The following PIWIL4 variants were observed in gnomAD, a reference collection of about 807,000 sequenced individuals.
PIWIL4 encodes the protein piwi-like protein 4.
A neutral mutation model predicts 100.9 loss-of-function variants in PIWIL4; 50 were observed. That is an observed-to-expected ratio of 0.50 (90% CI 0.39 to 0.63). The LOEUF (loss-of-function observed/expected upper bound fraction) is 0.63. Among genes scored for constraint, PIWIL4 ranks in the 20% least tolerant of loss-of-function variants. The pLI, the probability that PIWIL4 is intolerant of heterozygous loss-of-function variation, is 0.00. For missense variants in PIWIL4, 887 were observed against 1,043.3 expected, an observed-to-expected ratio of 0.85 and a Z score of 2.06; for synonymous variants, 342 against 367.5, an observed-to-expected ratio of 0.93 and a Z score of 0.79.
At position 94,595,438 on chromosome 11, in the gene PIWIL4, C is replaced by T; in HGVS notation, c.1268+12C>T. The T allele has an allele frequency of 6.3e-7, 1 of 1,591,632 alleles. No homozygotes were observed. On this transcript the variant is annotated intron_variant, in intron 10 of 19. Coordinates refer to ENST00000299001, the MANE Select transcript of PIWIL4 (RefSeq NM_152431.3). ...GACAACATCCAGAGGTACTGGATCA[C>T]CGCATGCATCCTTCCTGGGGCTGAG...
At chr11:94,606,561 G>A (rs1948720253) in intron 13 of PIWIL4, among the ~76,000 whole-genome samples, 1 of 152,208 alleles carries the variant, frequency 6.6e-6, no homozygotes, top group Admixed American at 6.5e-5. Context: ...CAGGGGCGGT[G>A]GCTCACGCCT....
At chr11:94,580,696 G>A (rs578102561) in intron 4 of PIWIL4, among the ~76,000 whole-genome samples, 1 of 152,216 alleles carries the variant, frequency 6.6e-6, no homozygotes, top group East Asian at 1.9e-4. Context: ...ATAATAATTA[G>A]TATCTTTATT....
chr11:94,589,598 T>A (rs552877101), intron 8 of PIWIL4, among the ~76,000 whole-genome samples: 1 of 152,080 alleles, frequency 6.6e-6, no homozygotes, highest in Non-Finnish European at 1.5e-5. Flanking sequence ...CTCTTCCCAT[T>A]CCCCTGCTCC....
At chr11:94,571,643 C>T (rs1948156771) in intron 2 of PIWIL4, among the ~76,000 whole-genome samples, 1 of 152,202 alleles carries the variant, frequency 6.6e-6, no homozygotes, top group South Asian at 2.1e-4. Flanking sequence ...GCATAGTATT[C>T]TATGGTGTAT....
chr11:94,568,776 G>C lies in PIWIL4; in HGVS notation c.134G>C (p.Gly45Ala), dbSNP rs765236404. ...AACAATGAAGCATCCTCTAGCAATG[G>C]CTTCTTGGGAACAAGCAGGATCTCA... ...LSNNEASSSN[G>A]FLGTSRISTN... Residue 45 changes from glycine to alanine, a missense_variant, in exon 2 of 20, where the codon GGC (glycine) becomes GCC (alanine). By Grantham distance (60) the Gly-to-Ala change is moderately conservative (BLOSUM62 0). Transcript: ENST00000299001. 2 of 1,610,076 alleles carry C rather than the reference G, an allele frequency of 1.2e-6. No homozygotes were observed. Among genetic ancestry groups the C allele is most frequent in the South Asian group, 2.2e-5 (2 of 90,976 alleles).
intron 4 of PIWIL4, among the ~76,000 whole-genome samples, chr11:94,578,142 TC>T: frequency 6.6e-6 from 1 of 152,268 alleles, no homozygotes; most frequent in South Asian, 2.1e-4. Flanking sequence ...CTGGACCACT[TC>T]CACCTCTCGG....
intron 2 of PIWIL4, among the ~76,000 whole-genome samples, chr11:94,573,368 G>A (rs1191883624): frequency 6.6e-6 from 1 of 152,192 alleles, no homozygotes; most frequent in Non-Finnish European, 1.5e-5. Context: ...TCTTATGCCA[G>A]TTTTCAAAGG....
At chr11:94,572,347 A>T (rs1016534520) in intron 2 of PIWIL4, among the ~76,000 whole-genome samples, 5 of 152,208 alleles carry the variant, frequency 3.3e-5, no homozygotes, top group Middle Eastern at 6.8e-3. Context: ...GGTGTTTTAG[A>T]CATGAAGTCC....
chr11:94,581,244 C>A (rs1298235382), intron 4 of PIWIL4, among the ~76,000 whole-genome samples: 1 of 152,062 alleles, frequency 6.6e-6, no homozygotes, highest in African/African-American at 2.4e-5. Flanking sequence ...CTGTCATCAC[C>A]CTTGGGGCCT....
intron 2 of PIWIL4, among the ~76,000 whole-genome samples, chr11:94,571,523 A>G (rs2135233997): frequency 6.6e-6 from 1 of 152,200 alleles, no homozygotes; most frequent in African/African-American, 2.4e-5. Flanking sequence ...CCTATAAGAG[A>G]GAACATGGGG....
chr11:94,592,438 A>G (rs1467162874), intron 8 of PIWIL4, among the ~76,000 whole-genome samples: 2 of 152,192 alleles, frequency 1.3e-5, no homozygotes, highest in African/African-American at 4.8e-5. Context: ...CGTTCCTGGA[A>G]CACAGTAAGC....
Position 94,597,925 on chromosome 11 carries a change from G to A in PIWIL4, c.1380+10G>A. 1.3e-6 allele frequency: 2 copies of A among 1,579,184 alleles called. No homozygotes were observed. The highest frequency in any genetic ancestry group is 1.7e-6 in the Non-Finnish European group (2 of 1,148,814). ...AATGCAAGACCACATAGTAAGTGCT[G>A]TGATTTTATTTTCATTTAAAAGTAT... On this transcript the variant is annotated intron_variant, in intron 11 of 19. Coordinates refer to ENST00000299001, the MANE Select transcript of PIWIL4 (RefSeq NM_152431.3).
In PIWIL4 at chr11:94,579,231, G is replaced by T. The variant is rs376984690; in HGVS notation, c.513+1739G>T. 1.4e-4 allele frequency among the ~76,000 whole-genome samples: 21 copies of T among 152,176 alleles called. 1 individual carries two copies. Among genetic ancestry groups the T allele is most frequent in the African/African-American group, 5.1e-4 (21 of 41,536 alleles). On this transcript the variant is annotated intron_variant, in intron 4 of 19. Transcript: ENST00000299001. ...TATTTAACTACTTGCTCGATCATAA[G>T]AAATTATGAGTTATTTATATCAATT...
intron 14 of PIWIL4, 151 bp downstream of exon 14, chr11:94,607,790 G>C (rs972335723): frequency 1.2e-6 from 1 of 809,476 alleles, no homozygotes; most frequent in Non-Finnish European, 1.9e-6. Flanking sequence ...AAGCCATTGT[G>C]AATCTCCAAA....
intron 8 of PIWIL4, among the ~76,000 whole-genome samples, chr11:94,593,055 A>G (rs548328053): frequency 1.3e-5 from 2 of 152,236 alleles, no homozygotes; most frequent in Non-Finnish European, 2.9e-5. Context: ...AAGGACAGTC[A>G]TGCTGTTTTG....
chr11:94,567,489 T>C lies in PIWIL4; in HGVS notation c.-30T>C. ...CATATCCTAACTGAGACTTTGCAGC[T>C]CTTGTGGCCACTCTGGGCTCACCGG... is the stretch of plus-strand genomic sequence containing the variant. On this transcript the variant is annotated 5_prime_UTR_variant, in exon 1 of 20. Transcript: ENST00000299001. 1 of 1,517,850 alleles carries C rather than the reference T, an allele frequency of 6.6e-7. No individual in the cohort carries two copies. Among genetic ancestry groups the C allele is most frequent in the Non-Finnish European group, 8.9e-7 (1 of 1,126,406 alleles). 94.0% of individuals were successfully genotyped at this position (1,517,850 alleles called of 1,614,324 possible).
intron 2 of PIWIL4, among the ~76,000 whole-genome samples, chr11:94,572,695 TGTA>T (rs1482559023): frequency 2.0e-5 from 3 of 152,214 alleles, no homozygotes. Context: ...ACTGTAGCCT[TGTA>T]GTATAATTTG....
chr11:94,577,055 T>A (rs1299724857), intron 3 of PIWIL4, among the ~76,000 whole-genome samples: 1 of 152,240 alleles, frequency 6.6e-6, no homozygotes, highest in Non-Finnish European at 1.5e-5. Flanking sequence ...TGTCAGTGTC[T>A]GCTCGTATGT....
At chr11:94,611,302 A>G in intron 15 of PIWIL4, among the ~76,000 whole-genome samples, 1 of 152,140 alleles carries the variant, frequency 6.6e-6, no homozygotes, top group East Asian at 1.9e-4. Context: ...CTTTTAATAT[A>G]CTGTTGAATT....
Sources: allele counts gnomAD v4.1 joint callset (sites outside exome capture counted in the v4.1 genomes callset), GRCh38; gene constraint gnomAD v4.1.1; transcripts MANE v1.5; gene names NCBI Gene and HGNC (gene_info 2026-07-23, HGNC 2026-07-21).